Variants in TLR5 observed in about 807,000 individuals in gnomAD.
TLR5 encodes the protein toll like receptor 5, also known as toll-like receptor 5.
For missense variants in TLR5, 944 were observed against 999.8 expected, an observed-to-expected ratio of 0.94 and a Z score of 0.75; for synonymous variants, 373 against 384.4, an observed-to-expected ratio of 0.97 and a Z score of 0.35.
chr1:223,127,390 T>C (rs1571752612), intron 5 of TLR5: 2 of 152,186 alleles, frequency 1.3e-5, no homozygotes, highest in East Asian at 3.9e-4. Context: ...AGGTATAAAA[T>C]TCCTGGACCA....
chr1:223,120,540 G>A (rs1367106750), intron 5 of TLR5, among the ~76,000 whole-genome samples: 2 of 152,310 alleles, frequency 1.3e-5, no homozygotes, highest in Middle Eastern at 3.4e-3. Flanking sequence ...GGACCTCCTG[G>A]GGCTGTGTCA....
At chr1:223,140,194 G>T (rs1657778731) in intron 2 of TLR5, among the ~76,000 whole-genome samples, 1 of 152,166 alleles carries the variant, frequency 6.6e-6, no homozygotes, top group South Asian at 2.1e-4. Flanking sequence ...GTAGGGGATT[G>T]GTCAGCAGAG....
chr1:223,137,338 T>C (rs1352483135), intron 2 of TLR5, 75 bp from the exon 3 acceptor site: 1 of 152,218 alleles, frequency 6.6e-6, no homozygotes, highest in Non-Finnish European at 1.5e-5. Context: ...AAGACAAATA[T>C]GCTAAGCTTG....
At chr1:223,113,262 G>A (rs1656463320) in intron 5 of TLR5, among the ~76,000 whole-genome samples, 2 of 152,080 alleles carry the variant, frequency 1.3e-5, no homozygotes, top group African/African-American at 4.8e-5. Context: ...CTGGAGTGCA[G>A]TGGCATGATC....
chr1:223,119,501 A>C (rs966237323), intron 5 of TLR5, among the ~76,000 whole-genome samples: 1 of 151,936 alleles, frequency 6.6e-6, no homozygotes, highest in Non-Finnish European at 1.5e-5. Flanking sequence ...GCACATTCCA[A>C]AAAAAAACCT....
chr1:223,136,605 G>A (rs1335322914), intron 3 of TLR5, among the ~76,000 whole-genome samples: 2 of 152,176 alleles, frequency 1.3e-5, no homozygotes, highest in Admixed American at 6.5e-5. Flanking sequence ...TGACCAAGAT[G>A]AGGAGGAATC....
chr1:223,112,616 C>A lies in TLR5; in HGVS notation c.416G>T (p.Gly139Val). 6.2e-7 allele frequency: 1 copy of A among 1,614,160 alleles called. No individual in the cohort carries two copies. The highest frequency in any genetic ancestry group is 1.1e-5 in the South Asian group (1 of 91,082). ...CGLSDAVLKD[G>V]YFRNLKALTR... ...TAAAGCCTTTAAATTTCTGAAATAA[C>A]CATCTTTCAATACAGCATCAGAGAG... is the stretch of plus-strand genomic sequence containing the variant. The change falls in exon 6 of 6, where the codon GGT becomes GTT. Residue 139 changes from glycine (G) to valine (V), a missense_variant. Transcript: ENST00000642603.
intron 5 of TLR5, among the ~76,000 whole-genome samples, chr1:223,117,536 G>GCAAA (rs896117685): frequency 6.4e-5 from 7 of 109,410 alleles, no homozygotes; most frequent in Non-Finnish European, 1.2e-4. Context: ...TCTCCATACA[G>GCAAA]CAAACAGAAA....
At chr1:223,139,667 G>A (rs1657757662) in intron 2 of TLR5, among the ~76,000 whole-genome samples, 1 of 152,286 alleles carries the variant, frequency 6.6e-6, no homozygotes, top group Admixed American at 6.5e-5. Flanking sequence ...GGGAGCTGGT[G>A]GAAGATGAGG....
At position 223,111,900 on chromosome 1, in the gene TLR5, G is replaced by T. The variant is rs756837891; in HGVS notation, c.1132C>A (p.Gln378Lys). 1.2e-6 allele frequency: 2 copies of T among 1,613,928 alleles called. No individual in the cohort carries two copies. Among genetic ancestry groups the T allele is most frequent in the Non-Finnish European group, 1.7e-6 (2 of 1,179,962 alleles). ...QKNHIAIIQD[Q>K]TFKFLEKLQT... ...AATTTTTCCAGGAATTTGAATGTTT[G>T]GTCTTGAATTATTGCAATGTGATTC... The change falls in exon 6 of 6, where the codon CAA (glutamine) becomes AAA (lysine). Residue 378 changes from glutamine (Q) to lysine (K), a missense_variant. By Grantham distance (53) the Gln-to-Lys change is moderately conservative. Coordinates refer to ENST00000642603, the MANE Select transcript of TLR5 (RefSeq NM_003268.6).
chr1:223,125,787 A>G (rs761554274), intron 5 of TLR5, among the ~76,000 whole-genome samples: 9 of 152,338 alleles, frequency 5.9e-5, no homozygotes, highest in Admixed American at 4.6e-4. Flanking sequence ...GGAGACTTTA[A>G]AAAATTACAA....
chr1:223,118,352 G>T lies in TLR5; in HGVS notation c.-4-5317C>A, dbSNP rs1032139694. ...ACTTGAGGTCAGGGGTTGGAGACCGGCCTGGCCAACATGGCGAAACCCCAT... is the reference window on the plus strand; with the variant it reads ...ACTTGAGGTCAGGGGTTGGAGACCGTCCTGGCCAACATGGCGAAACCCCAT... On this transcript the variant is annotated intron_variant, in intron 5 of 5. Coordinates refer to ENST00000642603, the MANE Select transcript of TLR5 (RefSeq NM_003268.6). Among the ~76,000 whole-genome samples, 3 of 151,838 alleles carry T rather than the reference G, an allele frequency of 2.0e-5. No homozygotes were observed. The East Asian group carries it at 5.8e-4, about 29-fold the overall frequency.
intron 5 of TLR5, chr1:223,128,066 G>C (rs1657244416): frequency 6.6e-6 from 1 of 152,236 alleles, no homozygotes; most frequent in African/African-American, 2.4e-5. Context: ...AGTCTGGAGG[G>C]AGGACAGAAA....
In TLR5 at chr1:223,112,844, G is replaced by T. The variant is rs749709274; in HGVS notation, c.188C>A (p.Ala63Asp). 5 of 1,613,490 alleles carry T rather than the reference G, an allele frequency of 3.1e-6. No individual in the cohort carries two copies. The Admixed American group carries it at 8.3e-5, about 27-fold the overall frequency. Residue 63 changes from alanine (A) to aspartate (D), a missense_variant, in exon 6 of 6, where the codon GCT becomes GAT. Ala to Asp is a moderately radical substitution (Grantham distance 126). Transcript: ENST00000642603. ...LSFNYIRTVT[A>D]SSFPFLEQLQ... ...CTGTTCCAGAAAGGGGAAGGATGAA[G>T]CAGTGACTGTCCTGATATAGTTGAA...
intron 2 of TLR5, among the ~76,000 whole-genome samples, chr1:223,138,368 C>T (rs1657701652): frequency 6.6e-6 from 1 of 151,970 alleles, no homozygotes. Flanking sequence ...CCTTTGGCTT[C>T]CTTAGTTTTT....
intron 4 of TLR5, among the ~76,000 whole-genome samples, chr1:223,132,886 G>C (rs1292876252): frequency 2.0e-5 from 3 of 152,178 alleles, no homozygotes; most frequent in Admixed American, 1.3e-4. Flanking sequence ...GGGTGTCTAA[G>C]CCATTCAGTT....
At chr1:223,130,683 G>A (rs950110274) in intron 5 of TLR5, among the ~76,000 whole-genome samples, 1 of 152,166 alleles carries the variant, frequency 6.6e-6, no homozygotes, top group African/African-American at 2.4e-5. Context: ...TGAGCTTGTT[G>A]CTTCCTTCTT....
At position 223,110,608 on chromosome 1, in the gene TLR5, G is replaced by A; in HGVS notation, c.2424C>T (p.Gly808=). ...YQLMKHQSIR[G]FVQKQQYLRW... is the part of the protein sequence containing the mutation. ...TCAAATACTGCTGTTTCTGTACAAAGCCTCTGATGGATTGATGTTTCATCA... is the reference window on the plus strand; with the variant it reads ...TCAAATACTGCTGTTTCTGTACAAAACCTCTGATGGATTGATGTTTCATCA... Residue 808 remains glycine (G), a synonymous_variant, in exon 6 of 6, where the codon GGC becomes GGT. Transcript: ENST00000642603. 6.2e-7 allele frequency: 1 copy of A among 1,614,146 alleles called. No individual in the cohort carries two copies. The highest frequency in any genetic ancestry group is 8.5e-7 in the Non-Finnish European group (1 of 1,180,026).
In TLR5 at chr1:223,140,221, G is replaced by A. The variant is rs529303857; in HGVS notation, c.-439+1427C>T. On this transcript the variant is annotated intron_variant, in intron 2 of 5. Coordinates refer to ENST00000642603, the MANE Select transcript of TLR5 (RefSeq NM_003268.6). ...TCAGCAGAGCATTTTGAGCATAGGA[G>A]AGTAGGCATAAAGTAAAGGAGGCAC... 3.9e-5 allele frequency among the ~76,000 whole-genome samples: 6 copies of A among 152,272 alleles called. No individual in the cohort carries two copies. The South Asian group carries it at 1.2e-3, about 32-fold the overall frequency.
Sources: gnomAD v4.1 joint callset for allele counts (sites outside exome capture counted in the v4.1 genomes callset) on GRCh38, gnomAD v4.1.1 for gene constraint, MANE v1.5 for transcripts, NCBI Gene and HGNC (gene_info 2026-07-23, HGNC 2026-07-21) for gene names.